Variants in SLC38A8 observed in about 807,000 individuals in gnomAD.
SLC38A8 encodes amino acid transporter SLC38A8.
A neutral mutation model predicts 46.0 loss-of-function variants in SLC38A8; 65 were observed. The observed-to-expected ratio is 1.41, with a 90% CI of 1.16 to 1.74. The LOEUF is 1.74. Ranked by LOEUF, SLC38A8 falls within the 40% of genes most tolerant of loss-of-function variation. The pLI is 0.00. For synonymous variants in SLC38A8, 447 were observed against 243.7 expected (o/e 1.83, Z -7.77); for missense variants, 998 against 567.9 (o/e 1.76, Z -7.70).
intron 7 of SLC38A8, among the ~76,000 whole-genome samples, chr16:84,020,157 T>TC (rs1211160994): frequency 4.0e-5 from 6 of 151,082 alleles, no homozygotes; most frequent in African/African-American, 1.2e-4. Context: ...TTTTTTTTTT[T>TC]TGAGACAGGG....
Position 84,031,975 on chromosome 16 carries a change from C to T in SLC38A8, c.531-7G>A, listed in dbSNP as rs1308119422. 6.2e-7 allele frequency: 1 copy of T among 1,613,642 alleles called. No homozygotes were observed. The highest frequency in any genetic ancestry group is 1.7e-5 in the Admixed American group (1 of 60,016). On this transcript the variant is annotated splice_region_variant and splice_polypyrimidine_tract_variant and intron_variant, in intron 4 of 10. Coordinates refer to ENST00000299709, the MANE Select transcript of SLC38A8 (RefSeq NM_001080442.3). ...AGCCAGAGTGCCTAGGATGCTAACA[C>T]AGTGACCGTGTGAGGGGCTGCGCAG...
At chr16:84,014,044 G>C (rs926493904) in intron 9 of SLC38A8, among the ~76,000 whole-genome samples, 5 of 150,560 alleles carry the variant, frequency 3.3e-5, no homozygotes, top group African/African-American at 1.2e-4. Flanking sequence ...GGGAAGGGCT[G>C]TGTGACCACA....
At chr16:84,014,973 C>T (rs1217694640) in intron 9 of SLC38A8, among the ~76,000 whole-genome samples, 1 of 152,164 alleles carries the variant, frequency 6.6e-6, no homozygotes, top group African/African-American at 2.4e-5. Flanking sequence ...TTTGGAAGAC[C>T]TGTAAGAGCC....
intron 9 of SLC38A8, among the ~76,000 whole-genome samples, chr16:84,015,349 G>C (rs373224604): frequency 6.0e-4 from 92 of 152,176 alleles, no homozygotes; most frequent in Middle Eastern, 3.4e-3. Context: ...GGGCTGTTTG[G>C]GAAGGTTTCC....
chr16:84,027,417 T>G (rs1211288464), intron 6 of SLC38A8, among the ~76,000 whole-genome samples: 2 of 151,914 alleles, frequency 1.3e-5, no homozygotes, highest in African/African-American at 2.4e-5. Flanking sequence ...TGTAGCCGCA[T>G]TGGCTGGGAG....
chr16:84,015,709 G>A (rs2085017247), intron 9 of SLC38A8, among the ~76,000 whole-genome samples: 1 of 152,112 alleles, frequency 6.6e-6, no homozygotes, highest in South Asian at 2.1e-4. Context: ...ACTAGGTAAT[G>A]GTTTGTTTTG....
chr16:84,036,637 A>C (rs1293100090), intron 3 of SLC38A8, 65 bp downstream of exon 3: 10 of 1,578,474 alleles, frequency 6.3e-6, no homozygotes, highest in East Asian at 4.6e-5. Flanking sequence ...GCTCAACTGG[A>C]AACTCCAAGA....
At chr16:84,015,423 G>T (rs1331625021) in intron 9 of SLC38A8, among the ~76,000 whole-genome samples, 1 of 152,096 alleles carries the variant, frequency 6.6e-6, no homozygotes, top group Admixed American at 6.5e-5. Flanking sequence ...AGGGAAGGGA[G>T]ACATTTGCAG....
At chr16:84,031,341 T>C (rs562593687) in intron 5 of SLC38A8, among the ~76,000 whole-genome samples, 3 of 152,268 alleles carry the variant, frequency 2.0e-5, no homozygotes, top group African/African-American at 7.2e-5. Flanking sequence ...ACACCCTACC[T>C]AGAGTGACCC....
At chr16:84,024,925 C>T (rs988759047) in intron 6 of SLC38A8, among the ~76,000 whole-genome samples, 1 of 152,160 alleles carries the variant, frequency 6.6e-6, no homozygotes, top group Non-Finnish European at 1.5e-5. Context: ...AAGTGATCCT[C>T]CCACCTCGGC....
At chr16:84,042,237 T>C in intron 1 of SLC38A8, 78 bp from the exon 2 acceptor site, 2 of 1,470,832 alleles carry the variant, frequency 1.4e-6, no homozygotes, top group Non-Finnish European at 1.8e-6. Flanking sequence ...CTTATTTGTC[T>C]CCCCAACTCA....
In SLC38A8 at chr16:84,022,770, C is replaced by T; in HGVS notation, c.805+5G>A. On this transcript the variant is annotated splice_donor_5th_base_variant and intron_variant, in intron 7 of 10. Coordinates refer to ENST00000299709, the MANE Select transcript of SLC38A8 (RefSeq NM_001080442.3). ...CTCTGCAGGGGTGCCTGGGAAGGGCCTTACCCGTCAGTGAATAGATGAGGC... is the reference window on the plus strand; with the variant it reads ...CTCTGCAGGGGTGCCTGGGAAGGGCTTTACCCGTCAGTGAATAGATGAGGC... The T allele has an allele frequency of 6.2e-7, 1 of 1,613,524 alleles. No homozygotes were observed. Among genetic ancestry groups the T allele is most frequent in the South Asian group, 1.1e-5 (1 of 91,038 alleles).
At chr16:84,030,626 A>G (rs1285360984) in intron 5 of SLC38A8, among the ~76,000 whole-genome samples, 1 of 152,070 alleles carries the variant, frequency 6.6e-6, no homozygotes, top group Non-Finnish European at 1.5e-5. Flanking sequence ...AGGAAACAGC[A>G]TCTCCATCCT....
At chr16:84,032,195 TTG>T (rs879330126) in intron 4 of SLC38A8, among the ~76,000 whole-genome samples, 54 of 148,266 alleles carry the variant, frequency 3.6e-4, no homozygotes, top group Non-Finnish European at 7.9e-4. Context: ...TTTGTTGTTG[TTG>T]TTGTTTTTTG....
intron 5 of SLC38A8, 50 bp downstream of exon 5, chr16:84,031,817 C>T (rs753650887): frequency 3.3e-6 from 5 of 1,518,882 alleles, no homozygotes; most frequent in Middle Eastern, 1.8e-4. Flanking sequence ...ACAGACTCCC[C>T]TGCCGTGCCT....
At chr16:84,034,939 T>C (rs1210152994) in intron 3 of SLC38A8, among the ~76,000 whole-genome samples, 2 of 152,170 alleles carry the variant, frequency 1.3e-5, no homozygotes, top group Non-Finnish European at 2.9e-5. Context: ...ACCAAAGACA[T>C]GGTCAATTGT....
At chr16:84,027,886 T>A (rs1363322932) in intron 6 of SLC38A8, among the ~76,000 whole-genome samples, 1 of 152,088 alleles carries the variant, frequency 6.6e-6, no homozygotes, top group Non-Finnish European at 1.5e-5. Flanking sequence ...GTTCTTAAAC[T>A]CAGTCCAGAC....
chr16:84,033,918 G>A (rs1024961116), intron 3 of SLC38A8, among the ~76,000 whole-genome samples: 2 of 151,580 alleles, frequency 1.3e-5, no homozygotes, highest in Admixed American at 6.5e-5. Flanking sequence ...CAGAACACAT[G>A]ACCCCAAATG....
chr16:84,024,583 C>A (rs986495097), intron 6 of SLC38A8, among the ~76,000 whole-genome samples: 1 of 151,922 alleles, frequency 6.6e-6, no homozygotes, highest in African/African-American at 2.4e-5. Flanking sequence ...GAGTTCGAGA[C>A]CAGCCTGGCC....
Sources: allele counts gnomAD v4.1 joint callset (sites outside exome capture counted in the v4.1 genomes callset), GRCh38; gene constraint gnomAD v4.1.1; transcripts MANE v1.5; gene names NCBI Gene and HGNC (gene_info 2026-07-23, HGNC 2026-07-21).